Variants in HPD observed in about 807,000 individuals in gnomAD.
HPD encodes 4-hydroxyphenylpyruvic acid oxidase.
A neutral mutation model predicts 56.9 loss-of-function variants in HPD; 35 were observed. That is an observed-to-expected ratio of 0.62 (90% CI 0.47 to 0.82). HPD has a LOEUF of 0.82. HPD is among the 40% of genes least tolerant of loss of function. The probability of loss-of-function intolerance (pLI) is 0.00; values close to 1 mark genes in which losing one functional copy is unlikely to be tolerated. For missense variants in HPD, 442 were observed against 506.8 expected (o/e 0.87, Z 1.23); for synonymous variants, 186 against 200.2 (o/e 0.93, Z 0.60).
intron 6 of HPD, 46 bp downstream of exon 6, chr12:121,856,278 G>T: frequency 1.3e-6 from 2 of 1,482,734 alleles, no homozygotes; most frequent in Non-Finnish European, 1.9e-6. Flanking sequence ...GGTCCCCATG[G>T]CAGACGGAGG....
At chr12:121,863,243 C>T (rs928404698), upstream of HPD, among the ~76,000 whole-genome samples, 2 of 152,220 alleles carry the variant, frequency 1.3e-5, no homozygotes, top group African/African-American at 4.8e-5. Context: ...CTCGGCCTCC[C>T]AAAGTGCTGG....
chr12:121,843,674 C>T (rs749711286), intron 12 of HPD, 36 bp downstream of exon 12: 21 of 1,612,120 alleles, frequency 1.3e-5, no homozygotes, highest in Admixed American at 3.3e-5. Context: ...AGCTCATACT[C>T]CCCCCACAAG....
intron 13 of HPD, 31 bp downstream of exon 13, chr12:121,839,901 T>A: frequency 6.2e-7 from 1 of 1,604,696 alleles, no homozygotes; most frequent in South Asian, 1.1e-5. Flanking sequence ...TAGCTGCCTG[T>A]CCCCTCGGGC....
At chr12:121,862,057 G>A (rs1878188795), upstream of HPD, among the ~76,000 whole-genome samples, 1 of 152,254 alleles carries the variant, frequency 6.6e-6, no homozygotes, top group South Asian at 2.1e-4. Context: ...TCTGCTGTGA[G>A]CTGTTTCAGT....
intron 7 of HPD, among the ~76,000 whole-genome samples, chr12:121,851,822 G>T: frequency 3.6e-5 from 1 of 28,132 alleles, no homozygotes; most frequent in Non-Finnish European, 7.6e-5. Context: ...CCATTCTCCT[G>T]CCTCAGCCTC....
chr12:121,849,913 G>C (rs1474018420), intron 7 of HPD, 123 bp from the exon 8 acceptor site: 1 of 703,832 alleles, frequency 1.4e-6, no homozygotes, highest in African/African-American at 1.8e-5. Context: ...CCAGATGCGT[G>C]ATCTTGGGTA....
the HPD span, among the ~76,000 whole-genome samples, chr12:121,885,793 T>C: frequency 6.6e-6 from 1 of 151,464 alleles, no homozygotes; most frequent in Non-Finnish European, 1.5e-5. Flanking sequence ...TGAAACCTTG[T>C]CTCTACTAAA....
At chr12:121,885,808 CA>C in the HPD span, among the ~76,000 whole-genome samples, 1 of 149,686 alleles carries the variant, frequency 6.7e-6, no homozygotes, top group Admixed American at 6.7e-5. Context: ...ACTAAAAATA[CA>C]AAAAAATTAG....
chr12:121,852,809 A>G (rs1877855628), intron 7 of HPD, among the ~76,000 whole-genome samples: 1 of 148,436 alleles, frequency 6.7e-6, no homozygotes, highest in African/African-American at 2.5e-5. Context: ...TAACTTTTGT[A>G]TTTTTTTTTA....
At chr12:121,846,468 T>TGGCC (rs1451963046) in intron 11 of HPD, among the ~76,000 whole-genome samples, 1 of 152,176 alleles carries the variant, frequency 6.6e-6, no homozygotes, top group Non-Finnish European at 1.5e-5. Context: ...CCCCCTGCCT[T>TGGCC]GGCCACCCAA....
chr12:121,874,648 C>T, the HPD span, among the ~76,000 whole-genome samples: 1 of 152,006 alleles, frequency 6.6e-6, no homozygotes, highest in Non-Finnish European at 1.5e-5. Context: ...ACAAACAAAA[C>T]CAAAAACAGT....
At chr12:121,863,041 G>A (rs540594086), upstream of HPD, among the ~76,000 whole-genome samples, 2 of 148,690 alleles carry the variant, frequency 1.3e-5, no homozygotes, top group African/African-American at 5.0e-5. Flanking sequence ...GAAGTGCAAT[G>A]GCGTGATCTC....
At chr12:121,876,474 G>A in the HPD span, among the ~76,000 whole-genome samples, 18 of 152,136 alleles carry the variant, frequency 1.2e-4, no homozygotes, top group Non-Finnish European at 2.6e-4. Flanking sequence ...CAGCTGATAC[G>A]GGATCAAGGC....
In HPD at chr12:121,858,079, ATATGGATTTAAGT is replaced by A. The variant is rs572305499; in HGVS notation, c.31-273_31-261del. Among the ~76,000 whole-genome samples the A allele has an allele frequency of 2.8e-4, 42 of 152,336 alleles. No homozygotes were observed. In the East Asian group the frequency reaches 7.7e-3, roughly 28 times the overall value. The stretch of plus-strand genomic sequence containing the variant: ...AGGGAAATAGACTTATGTTGCAGCA[ATATGGATTTAAGT>A]TAGACCTTAGAAAGAACTTCCAGAT... On this transcript the variant is annotated intron_variant, in intron 2 of 13. Transcript: ENST00000289004.
In HPD at chr12:121,857,861, G is replaced by T. The variant is rs565022014; in HGVS notation, c.31-42C>A. 11 of 1,548,000 alleles carry T rather than the reference G, an allele frequency of 7.1e-6. No individual in the cohort carries two copies. In the African/African-American group the frequency reaches 1.5e-4, roughly 21 times the overall value. ...GAGGTGAGGTTGAGTCCCTGAAAGT[G>T]AGTCTAGAAAAGTGCGGGTGGAGTG... On this transcript the variant is annotated intron_variant, in intron 2 of 13. Transcript: ENST00000289004.
At chr12:121,857,602 C>A in intron 3 of HPD, 155 bp downstream of exon 3, 1 of 830,332 alleles carries the variant, frequency 1.2e-6, no homozygotes, top group Admixed American at 2.0e-5. Context: ...AGATAACTTT[C>A]CCGCTGGTGT....
At chr12:121,865,466 C>T (rs1878301789), upstream of HPD, among the ~76,000 whole-genome samples, 1 of 149,500 alleles carries the variant, frequency 6.7e-6, no homozygotes, top group Non-Finnish European at 1.5e-5. Flanking sequence ...GATGGGGTTT[C>T]GTCATGTTGG....
chr12:121,858,882 G>T (rs779355265), upstream of HPD: 1 of 1,605,400 alleles, frequency 6.2e-7, no homozygotes, highest in Non-Finnish European at 8.5e-7. Context: ...CTGGGCCGGA[G>T]TATTTAACCC....
intron 8 of HPD, among the ~76,000 whole-genome samples, chr12:121,849,312 G>A (rs1352215338): frequency 2.0e-5 from 3 of 152,024 alleles, no homozygotes; most frequent in Non-Finnish European, 2.9e-5. Context: ...TTATAGGTAT[G>A]AGCCACTGCG....
Sources: gnomAD v4.1 joint callset for allele counts (sites outside exome capture counted in the v4.1 genomes callset) on GRCh38, gnomAD v4.1.1 for gene constraint, MANE v1.5 for transcripts, NCBI Gene and HGNC (gene_info 2026-07-23, HGNC 2026-07-21) for gene names.